The following EXOC6B variants were observed in gnomAD, a reference collection of about 807,000 sequenced individuals.
EXOC6B encodes SEC15 homolog B.
Under a neutral mutation model 113.5 loss-of-function variants are expected in EXOC6B, and 54 were observed. The ratio of observed to expected loss-of-function variants is 0.48; its 90% CI spans 0.38 to 0.60. EXOC6B has a LOEUF of 0.60. EXOC6B is among the 20% of genes least tolerant of loss of function. EXOC6B has a pLI of 0.00. For synonymous variants in EXOC6B, 357 were observed against 339.0 expected (o/e 1.05, Z -0.58); for missense variants, 797 against 977.5 (o/e 0.82, Z 2.46).
intron 1 of EXOC6B, among the ~76,000 whole-genome samples, chr2:72,788,310 T>G (rs1014582285): frequency 2.6e-5 from 4 of 152,162 alleles, no homozygotes; most frequent in Non-Finnish European, 5.9e-5. Flanking sequence ...AGTACAAATA[T>G]AAGTGTGAAG....
At chr2:72,412,289 C>G (rs1694235347) in intron 18 of EXOC6B, among the ~76,000 whole-genome samples, 1 of 152,128 alleles carries the variant, frequency 6.6e-6, no homozygotes, top group Non-Finnish European at 1.5e-5. Flanking sequence ...AGGTTTAATT[C>G]ATAAATCTAA....
chr2:72,470,277 A>G (rs1272579937), intron 17 of EXOC6B, among the ~76,000 whole-genome samples: 5 of 151,954 alleles, frequency 3.3e-5, no homozygotes, highest in South Asian at 2.1e-4. Flanking sequence ...TGTAGTTTTC[A>G]TTGCGGACAT....
chr2:72,338,966 C>CACATACACATACACATAT (rs1296689505), intron 19 of EXOC6B, among the ~76,000 whole-genome samples: 62 of 151,242 alleles, frequency 4.1e-4, no homozygotes, highest in African/African-American at 1.4e-3. Context: ...CATACACATA[C>CACATACACATACACATAT]ATACACATAC....
At chr2:72,337,922 A>G (rs1402920656) in intron 19 of EXOC6B, among the ~76,000 whole-genome samples, 1 of 152,224 alleles carries the variant, frequency 6.6e-6, no homozygotes, top group Non-Finnish European at 1.5e-5. Context: ...TTAGTTAAAT[A>G]AGTTACACAA....
At chr2:72,324,640 A>G (rs1393809680) in intron 20 of EXOC6B, among the ~76,000 whole-genome samples, 2 of 152,186 alleles carry the variant, frequency 1.3e-5, no homozygotes, top group Non-Finnish European at 2.9e-5. Flanking sequence ...TTTTCATTTA[A>G]TAGTCTAGGA....
chr2:72,808,338 G>A (rs1028477961), intron 1 of EXOC6B, among the ~76,000 whole-genome samples: 17 of 152,296 alleles, frequency 1.1e-4, no homozygotes, highest in African/African-American at 3.6e-4. Context: ...GATGTAAAGA[G>A]ATATAAAGAA....
chr2:72,749,920 C>T (rs1404970271), intron 1 of EXOC6B, among the ~76,000 whole-genome samples: 3 of 151,638 alleles, frequency 2.0e-5, no homozygotes, highest in Non-Finnish European at 4.4e-5. Flanking sequence ...GAATCAAACC[C>T]TAATAAATGT....
chr2:72,246,840 T>C (rs1682697300), intron 20 of EXOC6B, among the ~76,000 whole-genome samples: 1 of 152,194 alleles, frequency 6.6e-6, no homozygotes, highest in Non-Finnish European at 1.5e-5. Flanking sequence ...TAAACTGATC[T>C]GGAATACTGG....
chr2:72,690,839 A>C (rs532296229), intron 6 of EXOC6B, among the ~76,000 whole-genome samples: 1 of 152,174 alleles, frequency 6.6e-6, no homozygotes, highest in African/African-American at 2.4e-5. Context: ...TCTCCCAAAA[A>C]TATTTGTTCA....
chr2:72,757,242 A>G (rs1035736729), intron 1 of EXOC6B, among the ~76,000 whole-genome samples: 4 of 152,228 alleles, frequency 2.6e-5, no homozygotes, highest in Non-Finnish European at 4.4e-5. Context: ...AATAAAATAA[A>G]TGCTTAAAAC....
intron 18 of EXOC6B, among the ~76,000 whole-genome samples, chr2:72,459,709 T>G (rs574815605): frequency 2.0e-5 from 3 of 151,846 alleles, no homozygotes; most frequent in South Asian, 2.1e-4. Context: ...TAAAAGAGGA[T>G]ACAAACAAAT....
At chr2:72,523,151 C>T (rs577453771) in intron 8 of EXOC6B, among the ~76,000 whole-genome samples, 12 of 152,268 alleles carry the variant, frequency 7.9e-5, no homozygotes, top group Non-Finnish European at 1.3e-4. Flanking sequence ...ACTAATAAAA[C>T]TCAAAGCTGA....
rs542029549 is a variant in EXOC6B, at chr2:72,396,971, A to G, written c.1981-17101T>C. Among the ~76,000 whole-genome samples the G allele has an allele frequency of 5.9e-3, 811 of 137,988 alleles. 8 individuals are homozygous for G. Among genetic ancestry groups the G allele is most frequent in the African/African-American group, 0.026 (775 of 29,272 alleles). The allele number at this position is 137,988 out of a possible 152,430, so 90.5% of individuals were successfully genotyped here. A position where few individuals can be genotyped will look rare whatever the true frequency, so the allele number is the denominator to read the frequency against. On this transcript the variant is annotated intron_variant, in intron 18 of 21. Transcript: ENST00000272427. ...GCGACTGGGAGAAGATGCGAACTCTACTGAAAAAAAAAAAAACATATTTTC... is the reference window on the plus strand; with the variant it reads ...GCGACTGGGAGAAGATGCGAACTCTGCTGAAAAAAAAAAAAACATATTTTC...
At chr2:72,218,120 A>G (rs1034747758) in intron 20 of EXOC6B, among the ~76,000 whole-genome samples, 3 of 152,154 alleles carry the variant, frequency 2.0e-5, no homozygotes, top group Non-Finnish European at 2.9e-5. Context: ...TTGCCGGTTT[A>G]TAAGTCAATG....
At chr2:72,477,001 G>T (rs1401862291) in intron 17 of EXOC6B, among the ~76,000 whole-genome samples, 3 of 152,058 alleles carry the variant, frequency 2.0e-5, no homozygotes, top group Admixed American at 6.6e-5. Flanking sequence ...CCTAAAGGTG[G>T]AACCTCATCC....
intron 6 of EXOC6B, among the ~76,000 whole-genome samples, chr2:72,713,938 A>G (rs1679433135): frequency 6.6e-6 from 1 of 152,108 alleles, no homozygotes; most frequent in Non-Finnish European, 1.5e-5. Context: ...CTTTGCAGTG[A>G]TTGACCTCTG....
intron 6 of EXOC6B, among the ~76,000 whole-genome samples, chr2:72,583,362 G>A (rs1705345487): frequency 6.6e-6 from 1 of 152,174 alleles, no homozygotes; most frequent in South Asian, 2.1e-4. Flanking sequence ...AAGAACACCT[G>A]CAAGATACTA....
At chr2:72,815,694 C>G (rs1385073593) in intron 1 of EXOC6B, among the ~76,000 whole-genome samples, 1 of 152,074 alleles carries the variant, frequency 6.6e-6, no homozygotes, top group Non-Finnish European at 1.5e-5. Context: ...GAAAAAGCTA[C>G]GGAGAACTTT....
At chr2:72,545,882 T>C (rs910257721) in intron 8 of EXOC6B, among the ~76,000 whole-genome samples, 1 of 152,240 alleles carries the variant, frequency 6.6e-6, no homozygotes, top group Non-Finnish European at 1.5e-5. Flanking sequence ...TAAAGTTCTT[T>C]AAACAATTTC....
Sources: gnomAD v4.1 joint callset for allele counts (sites outside exome capture counted in the v4.1 genomes callset) on GRCh38, gnomAD v4.1.1 for gene constraint, MANE v1.5 for transcripts, NCBI Gene and HGNC (gene_info 2026-07-23, HGNC 2026-07-21) for gene names.